Variants in GPC3 observed in about 807,000 individuals in gnomAD.
The protein encoded by GPC3 is glypican-3.
Under a neutral mutation model 34.4 loss-of-function variants are expected in GPC3, and 3 were observed. The observed-to-expected ratio is 0.09, with a 90% confidence interval of 0.04 to 0.23. The LOEUF (loss-of-function observed/expected upper bound fraction) is 0.23. Ranked by LOEUF, GPC3 falls within the 10% of genes least tolerant of loss-of-function variation. GPC3 has a pLI of 1.00. For missense variants in GPC3, 351 were observed against 445.6 expected, an observed-to-expected ratio of 0.79 and a Z score of 1.91; for synonymous variants, 177 against 174.0, an observed-to-expected ratio of 1.02 and a Z score of -0.13.
intron 2 of GPC3, among the ~76,000 whole-genome samples, chrX:133,776,519 G>T (rs776046501): frequency 8.9e-6 from 1 of 112,048 alleles, no homozygotes; most frequent in Non-Finnish European, 1.9e-5. Context: ...CAAGTGAAGA[G>T]CCTCTCCATT....
At chrX:133,675,040 G>A (rs755207341) in intron 5 of GPC3, among the ~76,000 whole-genome samples, 4 of 111,781 alleles carry the variant, frequency 3.6e-5, no homozygotes, top group Admixed American at 9.5e-5. Context: ...TTTCTCTTGT[G>A]TGGCATCTCT....
At chrX:133,598,138 C>A (rs1444040269) in intron 6 of GPC3, among the ~76,000 whole-genome samples, 4 of 111,535 alleles carry the variant, frequency 3.6e-5, no homozygotes, top group African/African-American at 1.3e-4. Flanking sequence ...CAAGAATGAA[C>A]CCATGATGTG....
At chrX:133,918,525 C>T (rs917289634) in intron 2 of GPC3, among the ~76,000 whole-genome samples, 1 of 112,405 alleles carries the variant, frequency 8.9e-6, no homozygotes, top group African/African-American at 3.2e-5. Context: ...AAATCAGGTT[C>T]CTGTCCTTGA....
chrX:133,874,924 A>G (rs940955456), intron 2 of GPC3, among the ~76,000 whole-genome samples: 6 of 112,212 alleles, frequency 5.3e-5, no homozygotes, highest in African/African-American at 1.9e-4. Flanking sequence ...CTTGCTTTTA[A>G]AAGAACATGA....
chrX:133,547,100 C>T (rs1292862460), intron 7 of GPC3, among the ~76,000 whole-genome samples: 1 of 111,076 alleles, frequency 9.0e-6, no homozygotes, highest in Non-Finnish European at 1.9e-5. Context: ...TGTTCTCACT[C>T]ATATGTGGGA....
chrX:133,538,105 A>T (rs2069311114), intron 7 of GPC3, among the ~76,000 whole-genome samples: 1 of 112,137 alleles, frequency 8.9e-6, no homozygotes, highest in African/African-American at 3.2e-5. Context: ...GAAGCAATTG[A>T]GCAGACTACA....
intron 2 of GPC3, among the ~76,000 whole-genome samples, chrX:133,814,657 T>G (rs753405286): frequency 1.2e-4 from 13 of 110,807 alleles, no homozygotes; most frequent in Non-Finnish European, 2.3e-4. Flanking sequence ...AACCTCCGCC[T>G]CCCAGGACCA....
intron 5 of GPC3, among the ~76,000 whole-genome samples, chrX:133,669,036 G>C (rs1463016984): frequency 9.0e-6 from 1 of 111,500 alleles, no homozygotes; most frequent in Non-Finnish European, 1.9e-5. Context: ...TGCCCTTTAA[G>C]AGCCCCTGGA....
Position 133,974,705 on chromosome X carries a change from A to G in GPC3, c.175+10570T>C, listed in dbSNP as rs779719082. ...GCCTATATGCTGATGAGTCCCAACT[A>G]TGTGCTTCTCCTTAACTCCAGAAGA... On this transcript the variant is annotated intron_variant, in intron 1 of 7. Transcript: ENST00000370818. Among the ~76,000 whole-genome samples, 8 of 111,143 alleles carry G rather than the reference A, an allele frequency of 7.2e-5. No homozygotes were observed. The East Asian group carries it at 2.3e-3, about 31-fold the overall frequency.
At chrX:133,932,744 C>A (rs1603274797) in intron 2 of GPC3, among the ~76,000 whole-genome samples, 2 of 111,134 alleles carry the variant, frequency 1.8e-5, no homozygotes, top group East Asian at 5.6e-4. Flanking sequence ...TGTGCTTTCT[C>A]TTCAGAAAAA....
chrX:133,623,006 A>G (rs2070251152), intron 6 of GPC3, among the ~76,000 whole-genome samples: 2 of 112,225 alleles, frequency 1.8e-5, no homozygotes, highest in Admixed American at 9.5e-5. Flanking sequence ...GCCAATATTC[A>G]ACATTCTTAA....
chrX:133,928,740 G>T (rs918756105), intron 2 of GPC3, among the ~76,000 whole-genome samples: 7 of 111,893 alleles, frequency 6.3e-5, no homozygotes, highest in African/African-American at 2.3e-4. Context: ...CATCTTTGGA[G>T]AAATATCTAT....
At position 133,727,194 on chromosome X, in the gene GPC3, C is replaced by G. The variant is rs2071416953; in HGVS notation, c.1032+26288G>C. On this transcript the variant is annotated intron_variant, in intron 3 of 7. Transcript: ENST00000370818. The stretch of plus-strand genomic sequence containing the variant: ...AAGGCACTTAATAAGCTGCAGTTCC[C>G]TTCTCCCCCATCTTTATGACATGCC... 2.7e-5 allele frequency among the ~76,000 whole-genome samples: 3 copies of G among 111,663 alleles called. No individual in the cohort carries two copies. In the Admixed American group the frequency reaches 2.8e-4, roughly 11 times the overall value.
At chrX:133,586,581 G>A (rs2069790581) in intron 7 of GPC3, among the ~76,000 whole-genome samples, 1 of 111,375 alleles carries the variant, frequency 9.0e-6, no homozygotes, top group South Asian at 3.8e-4. Flanking sequence ...TGCCCTTACC[G>A]CCCCACTAGC....
chrX:133,603,347 G>A (rs955387936), intron 6 of GPC3, among the ~76,000 whole-genome samples: 1 of 109,082 alleles, frequency 9.2e-6, no homozygotes, highest in East Asian at 2.9e-4. Flanking sequence ...ACAGACACAC[G>A]CCTAACTAGA....
intron 2 of GPC3, among the ~76,000 whole-genome samples, chrX:133,869,714 G>A (rs909668811): frequency 1.2e-4 from 14 of 112,106 alleles, no homozygotes; most frequent in East Asian, 1.1e-3. Context: ...TTGGGAGGCC[G>A]AGGCCGGCAC....
At position 133,535,885 on chromosome X, in the gene GPC3, GTTT is replaced by G; in HGVS notation, c.*236_*238del. 2.6e-6 allele frequency: 1 copy of G among 380,046 alleles called. No individual in the cohort carries two copies. Among genetic ancestry groups the G allele is most frequent in the Non-Finnish European group, 4.5e-6 (1 of 220,989 alleles). The allele number at this position is 380,046 out of a possible 1,213,427, so 31.3% of individuals were successfully genotyped here. ...GAGAATAATTTGGCACAACTTGATG[GTTT>G]TTTTTCTTTCTTTGCAAAAGGACAA... On this transcript the variant is annotated 3_prime_UTR_variant, in exon 8 of 8. Transcript: ENST00000370818.
chrX:133,935,461 C>T (rs2076319430), intron 2 of GPC3, among the ~76,000 whole-genome samples: 1 of 110,860 alleles, frequency 9.0e-6, no homozygotes, highest in Non-Finnish European at 1.9e-5. Context: ...TTTCTTCTGT[C>T]TTCTTCTCTC....
At chrX:133,874,644 G>A (rs1434141153) in intron 2 of GPC3, among the ~76,000 whole-genome samples, 1 of 111,930 alleles carries the variant, frequency 8.9e-6, no homozygotes, top group African/African-American at 3.2e-5. Flanking sequence ...TCCCCAGCAT[G>A]CAGCAGGTTG....
Sources: allele counts gnomAD v4.1 joint callset (sites outside exome capture counted in the v4.1 genomes callset), GRCh38; gene constraint gnomAD v4.1.1; transcripts MANE v1.5; gene names NCBI Gene and HGNC (gene_info 2026-07-23, HGNC 2026-07-21).